The following CDH13 variants were observed in gnomAD, a reference collection of about 807,000 sequenced individuals.
CDH13 encodes the protein cadherin 13.
In CDH13, 24 loss-of-function variants were observed where a neutral mutation model predicts 63.8. The ratio of observed to expected loss-of-function variants is 0.38; its 90% CI spans 0.27 to 0.53. The LOEUF is 0.53. CDH13 is among the 20% of genes least tolerant of loss of function. The pLI is 0.85. For missense variants in CDH13, 1,049 were observed against 903.1 expected (o/e 1.16, Z -2.07); for synonymous variants, 503 against 355.3 (o/e 1.42, Z -4.67).
chr16:82,869,210 C>G (rs1381772338), intron 2 of CDH13, among the ~76,000 whole-genome samples: 1 of 152,238 alleles, frequency 6.6e-6, no homozygotes, highest in Non-Finnish European at 1.5e-5. Context: ...CCACGCCTGG[C>G]TAATTTTTGT....
At chr16:83,568,523 G>A (rs931096064) in intron 7 of CDH13, among the ~76,000 whole-genome samples, 8 of 152,180 alleles carry the variant, frequency 5.3e-5, no homozygotes, top group African/African-American at 1.9e-4. Flanking sequence ...GTAGTTCAAT[G>A]TGCTTTGGCT....
At chr16:83,395,992 A>G (rs12926194) in intron 6 of CDH13, among the ~76,000 whole-genome samples, 15,419 of 152,020 alleles carry the variant, frequency 0.1, 816 homozygotes, top group East Asian at 0.2. Flanking sequence ...TCCCCTCTAT[A>G]TGTCCACGTG....
intron 4 of CDH13, among the ~76,000 whole-genome samples, chr16:83,158,698 G>C (rs1312807184): frequency 2.0e-5 from 3 of 152,246 alleles, no homozygotes; most frequent in Non-Finnish European, 4.4e-5. Context: ...CCTGCCTGGT[G>C]CTGCAGCTGC....
intron 1 of CDH13, among the ~76,000 whole-genome samples, chr16:82,709,109 CA>C (rs143879692): frequency 0.013 from 1,962 of 152,230 alleles, 31 homozygotes; most frequent in African/African-American, 0.045. Flanking sequence ...ATACAATGAA[CA>C]TAACAATGGA....
chr16:83,461,993 GCT>G (rs1158665433), intron 6 of CDH13, among the ~76,000 whole-genome samples: 1 of 152,220 alleles, frequency 6.6e-6, no homozygotes, highest in Non-Finnish European at 1.5e-5. Flanking sequence ...TGAAAGGTGG[GCT>G]CCATGGCTCC....
chr16:83,514,825 T>G (rs542260157), intron 7 of CDH13, among the ~76,000 whole-genome samples: 2 of 152,262 alleles, frequency 1.3e-5, no homozygotes, highest in South Asian at 4.2e-4. Flanking sequence ...CCCTCAGAAC[T>G]TCCAGAAGGA....
intron 2 of CDH13, among the ~76,000 whole-genome samples, chr16:82,998,643 C>T (rs535911566): frequency 6.6e-6 from 1 of 152,266 alleles, no homozygotes; most frequent in South Asian, 2.1e-4. Flanking sequence ...GGTCATTCTC[C>T]TCTGCTATGA....
intron 5 of CDH13, among the ~76,000 whole-genome samples, chr16:83,268,641 G>T (rs1245077582): frequency 6.6e-6 from 1 of 152,092 alleles, no homozygotes; most frequent in Non-Finnish European, 1.5e-5. Flanking sequence ...CATTTCAATG[G>T]GTGTCGCATC....
At chr16:83,177,270 T>G (rs1405342962) in intron 4 of CDH13, among the ~76,000 whole-genome samples, 1 of 152,224 alleles carries the variant, frequency 6.6e-6, no homozygotes, top group Non-Finnish European at 1.5e-5. Context: ...TTGCTCATGC[T>G]CAGCTGCTTG....
At chr16:83,210,037 G>C (rs1277247244) in intron 4 of CDH13, among the ~76,000 whole-genome samples, 1 of 152,034 alleles carries the variant, frequency 6.6e-6, no homozygotes, top group African/African-American at 2.4e-5. Flanking sequence ...CTCTGGCAGA[G>C]GGAGCCATTG....
chr16:83,006,899 ATTTT>A (rs796613754), intron 2 of CDH13, among the ~76,000 whole-genome samples: 4 of 120,738 alleles, frequency 3.3e-5, no homozygotes, highest in African/African-American at 6.0e-5. Flanking sequence ...CCCAGTTTTG[ATTTT>A]TTTTGTTTGT....
At chr16:83,216,409 T>TAA (rs1280611767) in intron 4 of CDH13, among the ~76,000 whole-genome samples, 2 of 65,266 alleles carry the variant, frequency 3.1e-5, no homozygotes, top group Admixed American at 3.6e-4. Context: ...TATATATATA[T>TAA]ATATATATAT....
intron 6 of CDH13, chr16:83,396,661 G>C (rs1377360289): frequency 1.3e-5 from 2 of 152,132 alleles, no homozygotes; most frequent in Non-Finnish European, 2.9e-5. Flanking sequence ...GGTGACGTTC[G>C]TGAGGTGCAT....
At chr16:83,514,928 G>A (rs1419352562) in intron 7 of CDH13, among the ~76,000 whole-genome samples, 2 of 152,158 alleles carry the variant, frequency 1.3e-5, no homozygotes, top group South Asian at 2.1e-4. Flanking sequence ...TTTGTGACGT[G>A]TAGTTACTGC....
At chr16:83,413,169 G>T (rs910111153) in intron 6 of CDH13, among the ~76,000 whole-genome samples, 5 of 152,142 alleles carry the variant, frequency 3.3e-5, no homozygotes, top group African/African-American at 4.8e-5. Context: ...AAATGCAAAG[G>T]CACGGTGATG....
intron 1 of CDH13, among the ~76,000 whole-genome samples, chr16:82,809,237 C>T (rs1187370598): frequency 6.6e-6 from 1 of 151,746 alleles, no homozygotes; most frequent in Non-Finnish European, 1.5e-5. Context: ...ATTTGCCAAG[C>T]TATTATTACA....
chr16:83,015,631 A>C (rs1317255045), intron 2 of CDH13, among the ~76,000 whole-genome samples: 1 of 133,166 alleles, frequency 7.5e-6, no homozygotes. Flanking sequence ...AGTTGTGGGG[A>C]CCATATGCTT....
chr16:83,502,857 T>C (rs2074312707), intron 7 of CDH13, among the ~76,000 whole-genome samples: 1 of 152,220 alleles, frequency 6.6e-6, no homozygotes, highest in Non-Finnish European at 1.5e-5. Context: ...TGACCAGATC[T>C]TTCTCAGGCA....
chr16:82,686,707 C>T (rs759892018), intron 1 of CDH13, among the ~76,000 whole-genome samples: 2 of 152,186 alleles, frequency 1.3e-5, no homozygotes, highest in Admixed American at 6.5e-5. Context: ...TTCTTCCTTC[C>T]GTTGACAACC....
Sources: gnomAD v4.1 joint callset for allele counts (sites outside exome capture counted in the v4.1 genomes callset) on GRCh38, gnomAD v4.1.1 for gene constraint, MANE v1.5 for transcripts, NCBI Gene and HGNC (gene_info 2026-07-23, HGNC 2026-07-21) for gene names.